The following PFAS variants were observed in gnomAD, a reference collection of about 807,000 sequenced individuals.
PFAS encodes FGAM synthase.
Under a neutral mutation model 140.6 loss-of-function variants are expected in PFAS, and 97 were observed. The ratio of observed to expected loss-of-function variants is 0.69; its 90% CI spans 0.59 to 0.82. The LOEUF (loss-of-function observed/expected upper bound fraction) is 0.82, where lower values mean the gene tolerates loss of function less well. Ranked by LOEUF, PFAS falls within the 40% of genes least tolerant of loss-of-function variation. The probability of loss-of-function intolerance (pLI) is 0.00; values close to 1 mark genes in which losing one functional copy is unlikely to be tolerated. For synonymous variants in PFAS, 679 were observed against 718.8 expected (o/e 0.94, Z 0.88); for missense variants, 1,656 against 1,780.2 (o/e 0.93, Z 1.26).
At chr17:8,256,476 G>C in intron 7 of PFAS, 48 bp from the exon 8 acceptor site, 1 of 1,613,916 alleles carries the variant, frequency 6.2e-7, no homozygotes, top group Admixed American at 1.7e-5. Flanking sequence ...GGTTGGGTTA[G>C]TGTAGGTCCC....
In PFAS at chr17:8,254,224, C is replaced by T. The variant is rs2151576622; in HGVS notation, c.201C>T (p.Pro67=). ...AGCTGATGTGGCTGTTTGGTTGCCC[C>T]TTACTGCTGGATGATGTTGCTCGGG... ...TKKLMWLFGC[P]LLLDDVARES... The change falls in exon 3 of 28, where the codon CCC becomes CCT. Residue 67 remains proline (P), a synonymous_variant. Transcript: ENST00000314666. 6.2e-7 allele frequency: 1 copy of T among 1,614,152 alleles called. No individual in the cohort carries two copies. The highest frequency in any genetic ancestry group is 1.7e-5 in the Admixed American group (1 of 60,024).
chr17:8,265,954 C>G lies in PFAS; in HGVS notation c.2638C>G (p.Pro880Ala). 2.5e-6 allele frequency: 4 copies of G among 1,613,836 alleles called. No individual in the cohort carries two copies. Among genetic ancestry groups the G allele is most frequent in the Non-Finnish European group, 3.4e-6 (4 of 1,179,836 alleles). ...CTTCTCCCAGCTTGGGGAACACCCT[C>G]CAGACCTGGACCTTCCTGAGAACTT... Reference protein sequence around the residue: ...QCFSQLGEHPPDLDLPENLVR... With the variant: ...QCFSQLGEHPADLDLPENLVR... Residue 880 changes from proline (P) to alanine (A), a missense_variant, in exon 21 of 28, where the codon CCA (proline) becomes GCA (alanine). Coordinates refer to ENST00000314666, the MANE Select transcript of PFAS (RefSeq NM_012393.3).
At chr17:8,251,981 G>A (rs1989172384) in intron 1 of PFAS, among the ~76,000 whole-genome samples, 1 of 152,008 alleles carries the variant, frequency 6.6e-6, no homozygotes, top group Non-Finnish European at 1.5e-5. Context: ...CCCTGCTTAA[G>A]CAATTCTTTT....
At chr17:8,263,471 A>G (rs1989676530) in intron 13 of PFAS, 104 bp from the exon 14 acceptor site, 3 of 1,100,858 alleles carry the variant, frequency 2.7e-6, no homozygotes. Context: ...GCAGCAGTTG[A>G]CACAGGAACA....
At chr17:8,248,596 C>T (rs1422929226), upstream of PFAS, among the ~76,000 whole-genome samples, 4 of 151,538 alleles carry the variant, frequency 2.6e-5, no homozygotes, top group Non-Finnish European at 5.9e-5. Context: ...CTCGCTCTAT[C>T]GCCCAGGCTG....
intron 4 of PFAS, 100 bp downstream of exon 4, chr17:8,255,232 C>T: frequency 2.2e-6 from 2 of 901,054 alleles, no homozygotes; most frequent in East Asian, 5.1e-5. Flanking sequence ...TGGCTTTAGG[C>T]CTGCTCTGTA....
chr17:8,257,279 G>A (rs1184248002), intron 9 of PFAS, among the ~76,000 whole-genome samples: 1 of 152,234 alleles, frequency 6.6e-6, no homozygotes, highest in African/African-American at 2.4e-5. Flanking sequence ...AAACTTGGCT[G>A]GGCGTGGTGG....
intron 14 of PFAS, 34 bp from the exon 15 acceptor site, chr17:8,263,741 G>A (rs754602657): frequency 1.9e-6 from 3 of 1,609,962 alleles, no homozygotes; most frequent in Non-Finnish European, 2.5e-6. Context: ...GTGCCCACTG[G>A]CCCTTCTCTT....
rs1989725527 is a variant in PFAS, at chr17:8,264,408, T to C, written c.1918-62T>C. On this transcript the variant is annotated intron_variant, in intron 16 of 27. Transcript: ENST00000314666. ...ACCACCCTTTACCCTACGTGCACTT[T>C]GTCGCCTGTGTGCCCAGCCCGCCCC... 4.3e-6 allele frequency: 7 copies of C among 1,612,034 alleles called. No homozygotes were observed. The Admixed American group carries it at 1.2e-4, about 27-fold the overall frequency.
chr17:8,268,931 C>T, intron 27 of PFAS, 23 bp from the exon 28 acceptor site: 1 of 1,613,654 alleles, frequency 6.2e-7, no homozygotes, highest in Non-Finnish European at 8.5e-7. Flanking sequence ...TTGGCTCTCA[C>T]TTCCCTCCTC....
Position 8,266,163 on chromosome 17 carries a change from A to C in PFAS, c.2702-71A>C, listed in dbSNP as rs969277303. The C allele has an allele frequency of 6.3e-7, 1 of 1,595,334 alleles. No individual in the cohort carries two copies. Among genetic ancestry groups the C allele is most frequent in the African/African-American group, 1.3e-5 (1 of 74,540 alleles). ...TCTGACACACACTCTTGATGGACTG[A>C]CTCCGGAAGGTGGGGTGGGGCTGTC... On this transcript the variant is annotated intron_variant, in intron 21 of 27. Coordinates refer to ENST00000314666, the MANE Select transcript of PFAS (RefSeq NM_012393.3). This position sits in a 1 kb window ranked among gnomAD's most constrained non-coding sequence, Gnocchi z 5.0.
chr17:8,258,583 G>T (rs1989466338), intron 11 of PFAS, among the ~76,000 whole-genome samples: 1 of 152,152 alleles, frequency 6.6e-6, no homozygotes, highest in Non-Finnish European at 1.5e-5. Context: ...GCTCGCACCT[G>T]TAATCTCAGC....
At chr17:8,263,030 A>G (rs772660289) in intron 12 of PFAS, 37 bp downstream of exon 12, 3 of 1,610,540 alleles carry the variant, frequency 1.9e-6, no homozygotes, top group Non-Finnish European at 2.5e-6. Context: ...AATCCTTGAT[A>G]TAACCGGGCC....
chr17:8,256,184 T>G, intron 6 of PFAS, 83 bp from the exon 7 acceptor site: 1 of 1,349,704 alleles, frequency 7.4e-7, no homozygotes, highest in Non-Finnish European at 1.0e-6. Context: ...GTAACTCTGC[T>G]GTTAAATGCT....
intron 17 of PFAS, 100 bp downstream of exon 17, chr17:8,264,701 C>A: frequency 7.4e-7 from 1 of 1,350,498 alleles, no homozygotes; most frequent in East Asian, 2.3e-5. Context: ...TTTGCCTGGC[C>A]CTGCAGGAAG....
At position 8,264,267 on chromosome 17, in the gene PFAS, C is replaced by A; in HGVS notation, c.1847C>A (p.Ala616Asp). Residue 616 changes from alanine to aspartate, a missense_variant, in exon 16 of 28, where the codon GCC (alanine) becomes GAC (aspartate). By Grantham distance (126) the Ala-to-Asp change is moderately radical (BLOSUM62 -2). Coordinates refer to ENST00000314666, the MANE Select transcript of PFAS (RefSeq NM_012393.3). ...CPVRRNGQGD[A>D]PPTPLPTPVD... ...GTCAGAAGAAATGGCCAGGGGGATG[C>A]CCCCCCGACACCCCTGCCAACCCCT... 1 of 1,611,894 alleles carries A rather than the reference C, an allele frequency of 6.2e-7. No individual in the cohort carries two copies.
At position 8,256,163 on chromosome 17, in the gene PFAS, T is replaced by G. The variant is rs536762793; in HGVS notation, c.681-104T>G. The G allele has an allele frequency of 5.5e-6, 6 of 1,098,950 alleles. No homozygotes were observed. In the Admixed American group the frequency reaches 1.5e-4, roughly 27 times the overall value. The allele number at this position is 1,098,950 out of a possible 1,614,324, so 68.1% of individuals were successfully genotyped here. A position where few individuals can be genotyped will look rare whatever the true frequency, so the allele number is the denominator to read the frequency against. ...TATATTTTGATCTGTCATCTAAGTA[T>G]GAATTTGGCTGTAACTCTGCTGTTA... is the stretch of plus-strand genomic sequence containing the variant. On this transcript the variant is annotated intron_variant, in intron 6 of 27. Coordinates refer to ENST00000314666, the MANE Select transcript of PFAS (RefSeq NM_012393.3).
intron 26 of PFAS, among the ~76,000 whole-genome samples, chr17:8,268,165 G>A (rs1206763148): frequency 2.7e-5 from 4 of 145,522 alleles, no homozygotes; most frequent in South Asian, 2.1e-4. Flanking sequence ...GGGTTCAAGC[G>A]ATTTTCCTGC....
Position 8,256,520 on chromosome 17 carries a change from A to G in PFAS, c.822-4A>G. The G allele has an allele frequency of 6.2e-7, 1 of 1,614,210 alleles. No individual in the cohort carries two copies. The highest frequency in any genetic ancestry group is 8.5e-7 in the Non-Finnish European group (1 of 1,180,040). On this transcript the variant is annotated splice_polypyrimidine_tract_variant and splice_region_variant and intron_variant, in intron 7 of 27. Coordinates refer to ENST00000314666, the MANE Select transcript of PFAS (RefSeq NM_012393.3). Reference sequence around the variant, plus strand: ...AGCAAGGTCCATGACGGGTATGTCCACAGTGCAATCCAGGGAAAGGAAGTC... The same window carrying G: ...AGCAAGGTCCATGACGGGTATGTCCGCAGTGCAATCCAGGGAAAGGAAGTC...
Sources: gnomAD v4.1 joint callset for allele counts (sites outside exome capture counted in the v4.1 genomes callset) on GRCh38, gnomAD v4.1.1 for gene constraint, Gnocchi (gnomAD v3.1) non-coding constraint, MANE v1.5 for transcripts, NCBI Gene and HGNC (gene_info 2026-07-23, HGNC 2026-07-21) for gene names.